Variants in MICAL3 observed in about 807,000 individuals in gnomAD.
The protein encoded by MICAL3 is microtubule associated monooxygenase, calponin and LIM domain containing 3.
Under a neutral mutation model 207.4 loss-of-function variants are expected in MICAL3, and 62 were observed. The observed-to-expected ratio is 0.30, with a 90% CI of 0.24 to 0.37. MICAL3 has a LOEUF of 0.37. Among genes scored for constraint, MICAL3 ranks in the 10% least tolerant of loss-of-function variants. MICAL3 has a pLI of 1.00. For synonymous variants in MICAL3, 1,077 were observed against 1,069.3 expected, an observed-to-expected ratio of 1.01 and a Z score of -0.14; for missense variants, 2,368 against 2,635.6, an observed-to-expected ratio of 0.90 and a Z score of 2.22.
At chr22:17,972,960 G>A (rs545823834) in intron 1 of MICAL3, among the ~76,000 whole-genome samples, 1 of 152,200 alleles carries the variant, frequency 6.6e-6, no homozygotes, top group Non-Finnish European at 1.5e-5. Context: ...GCCCCTGCAC[G>A]TCAGGCATGT....
chr22:17,910,562 A>G (rs896538349), intron 1 of MICAL3, among the ~76,000 whole-genome samples: 4 of 152,206 alleles, frequency 2.6e-5, no homozygotes, highest in African/African-American at 9.6e-5. Context: ...ATGGATGAAC[A>G]GAGGCAGGAT....
intron 16 of MICAL3, among the ~76,000 whole-genome samples, chr22:17,877,871 TTCTGTCGCCCTGGC>T (rs1237195078): frequency 3.3e-5 from 5 of 150,828 alleles, no homozygotes; most frequent in African/African-American, 4.9e-5. Flanking sequence ...CCGAGTCTGA[TTCTGTCGCCCTGGC>T]TCTGTCGCCC....
chr22:17,876,816 G>C (rs1473685512), intron 16 of MICAL3: 10 of 119,376 alleles, frequency 8.4e-5, no homozygotes, highest in East Asian at 4.8e-4. Flanking sequence ...GGTTAGGGAG[G>C]TTAGGGAGGT....
chr22:17,995,849 T>C (rs999784742), intron 1 of MICAL3, among the ~76,000 whole-genome samples: 9 of 151,946 alleles, frequency 5.9e-5, no homozygotes, highest in South Asian at 2.1e-4. Flanking sequence ...CTCTCCTCTG[T>C]TGAACTCACC....
intron 19 of MICAL3, chr22:17,862,818 C>T (rs1263870369): frequency 1.0e-6 from 1 of 985,396 alleles, no homozygotes; most frequent in Non-Finnish European, 1.2e-6. Context: ...GGGTAAGCCC[C>T]TCAGCCCTGA....
intron 1 of MICAL3, among the ~76,000 whole-genome samples, chr22:18,017,479 T>A (rs868839327): frequency 1.3e-5 from 2 of 152,072 alleles, no homozygotes; most frequent in African/African-American, 2.4e-5. Context: ...CCTCCCAAAG[T>A]GCTGGGATTA....
At chr22:17,945,571 G>A (rs1190437450) in intron 1 of MICAL3, among the ~76,000 whole-genome samples, 1 of 152,194 alleles carries the variant, frequency 6.6e-6, no homozygotes, top group Non-Finnish European at 1.5e-5. Context: ...TGAGGACCTG[G>A]GTTCTTCTCC....
At chr22:17,947,641 C>T (rs759204652) in intron 1 of MICAL3, among the ~76,000 whole-genome samples, 1 of 152,166 alleles carries the variant, frequency 6.6e-6, no homozygotes, top group Non-Finnish European at 1.5e-5. Flanking sequence ...CACTGTTAAC[C>T]TCCAACTTCT....
intron 1 of MICAL3, among the ~76,000 whole-genome samples, chr22:17,926,678 C>T (rs1050077019): frequency 6.6e-6 from 1 of 152,212 alleles, no homozygotes; most frequent in East Asian, 1.9e-4. Flanking sequence ...GCCTCCACAC[C>T]GCTCCTACTT....
chr22:18,022,804 T>A (rs1924570201), intron 1 of MICAL3, among the ~76,000 whole-genome samples: 1 of 152,170 alleles, frequency 6.6e-6, no homozygotes, highest in Non-Finnish European at 1.5e-5. Flanking sequence ...GTGACTCTGG[T>A]TAGTACATAG....
chr22:17,818,434 G>C lies in MICAL3; in HGVS notation c.4227C>G (p.Asp1409Glu). The C allele has an allele frequency of 6.2e-7, 1 of 1,612,712 alleles. No homozygotes were observed. The highest frequency in any genetic ancestry group is 1.1e-5 in the South Asian group (1 of 91,088). The change falls in exon 26 of 32, where the codon GAC (aspartate) becomes GAG (glutamate). Residue 1409 changes from aspartate to glutamate, a missense_variant. Coordinates refer to ENST00000441493, the MANE Select transcript of MICAL3 (RefSeq NM_015241.3). ...LSLPTPRSPS[D>E]RELRSAQEER... The stretch of plus-strand genomic sequence containing the variant: ...CCTCCTGGGCGCTGCGTAGCTCTCT[G>C]TCGGACGGGGACCGGGGGGTTGGCA...
intron 19 of MICAL3, chr22:17,864,027 T>C (rs1926797985): frequency 1.0e-5 from 10 of 985,782 alleles, no homozygotes; most frequent in Admixed American, 6.1e-5. Flanking sequence ...TGGAGCTGTA[T>C]GTGGGACATT....
rs146023864 is a variant in MICAL3, at chr22:17,794,904, G to A, written c.5651-3603C>T. Reference sequence around the variant, plus strand: ...GGGACAACAGAGCCCAGGAAGACACGGGGCCTCGGCCCGCGGGGAGGGCAG... The same window carrying A: ...GGGACAACAGAGCCCAGGAAGACACAGGGCCTCGGCCCGCGGGGAGGGCAG... On this transcript the variant is annotated intron_variant, in intron 29 of 31. Coordinates refer to ENST00000441493, the MANE Select transcript of MICAL3 (RefSeq NM_015241.3). Among the ~76,000 whole-genome samples, 306 of 152,312 alleles carry A rather than the reference G, an allele frequency of 2.0e-3. 2 individuals carry two copies. Among genetic ancestry groups the A allele is most frequent in the African/African-American group, 7.1e-3 (296 of 41,548 alleles).
chr22:17,919,090 T>TTTTTTTTTTTTTTA (rs1932724096), intron 1 of MICAL3, among the ~76,000 whole-genome samples: 4 of 151,290 alleles, frequency 2.6e-5, no homozygotes, highest in Admixed American at 1.3e-4. Flanking sequence ...TTTTTTTTTT[T>TTTTTTTTTTTTTTA]GAGACAGGCT....
At chr22:17,814,185 G>A (rs2062078261) in intron 27 of MICAL3, 1 of 152,096 alleles carries the variant, frequency 6.6e-6, no homozygotes, top group Non-Finnish European at 1.5e-5. Flanking sequence ...TAGAGCCCCT[G>A]TTCCCCACAC....
intron 1 of MICAL3, among the ~76,000 whole-genome samples, chr22:18,011,053 T>TCA: frequency 6.6e-6 from 1 of 152,184 alleles, no homozygotes; most frequent in African/African-American, 2.4e-5. Flanking sequence ...GCCTCAGCGA[T>TCA]CACAGGCCTG....
intron 1 of MICAL3, among the ~76,000 whole-genome samples, chr22:17,957,108 C>T (rs576357231): frequency 5.9e-5 from 9 of 152,260 alleles, no homozygotes; most frequent in Admixed American, 2.0e-4. Context: ...GCTGGAGCTC[C>T]GGCAGCCATG....
chr22:17,988,432 A>T (rs1368869727), intron 1 of MICAL3, among the ~76,000 whole-genome samples: 1 of 151,798 alleles, frequency 6.6e-6, no homozygotes. Flanking sequence ...AGGCCAAAGA[A>T]TGGTGTTTAC....
rs1411694864 is a variant in MICAL3, at chr22:17,877,504, TGGAGGTTAG to T, written c.2242-5490_2242-5482del. Among the ~76,000 whole-genome samples, 398 of 63,592 alleles carry T rather than the reference TGGAGGTTAG, an allele frequency of 6.3e-3. 7 individuals are homozygous for T. Among genetic ancestry groups the T allele is most frequent in the African/African-American group, 0.016 (194 of 12,504 alleles). The allele number at this position is 63,592 out of a possible 152,430, so 41.7% of individuals were successfully genotyped here. ...GAGGTTATGGAGGTTAGGGAGGTTA[TGGAGGTTAG>T]GGAGGTTAGGGAGGTGAGGGAGGTT... On this transcript the variant is annotated intron_variant, in intron 16 of 31. Transcript: ENST00000441493.
Sources: allele counts gnomAD v4.1 joint callset (sites outside exome capture counted in the v4.1 genomes callset), GRCh38; gene constraint gnomAD v4.1.1; transcripts MANE v1.5; gene names NCBI Gene and HGNC (gene_info 2026-07-23, HGNC 2026-07-21).